The following NUBP2 variants were observed in gnomAD, a reference collection of about 807,000 sequenced individuals.
NUBP2 encodes the protein NUBP iron-sulfur cluster assembly factor 2, cytosolic.
In NUBP2, 23 loss-of-function variants were observed where a neutral mutation model predicts 24.9. That is an observed-to-expected ratio of 0.92 (90% CI 0.66 to 1.31). The LOEUF (loss-of-function observed/expected upper bound fraction) is 1.31, where lower values mean the gene tolerates loss of function less well. NUBP2 is among the 50% of genes most tolerant of loss of function. NUBP2 has a pLI of 0.00. For missense variants in NUBP2, 403 were observed against 386.5 expected (o/e 1.04, Z -0.36); for synonymous variants, 186 against 170.9 (o/e 1.09, Z -0.69).
chr16:1,783,627 CAAAAGG>C (rs1378096818), intron 1 of NUBP2: 1 of 393,208 alleles, frequency 2.5e-6, no homozygotes, highest in Admixed American at 6.5e-5. Context: ...AGTCCGATAC[CAAAAGG>C]AAAACATTCC....
In NUBP2 at chr16:1,787,059, G is replaced by C. The variant is rs73483741; in HGVS notation, c.334+104G>C. ...TCTTCAGCAGCCAGGCCTGTTCCTG[G>C]GGACCTGCACATGACACCCACGACC... On this transcript the variant is annotated intron_variant, in intron 3 of 6. Coordinates refer to ENST00000262302, the MANE Select transcript of NUBP2 (RefSeq NM_012225.4). The C allele has an allele frequency of 1.1e-3, 1,249 of 1,166,914 alleles. 3 individuals carry two copies. The African/African-American group carries it at 0.018, about 17-fold the overall frequency. 72.3% of individuals were successfully genotyped at this position (1,166,914 alleles called of 1,614,324 possible).
chr16:1,785,498 C>G, intron 1 of NUBP2: 1 of 1,192,570 alleles, frequency 8.4e-7, no homozygotes, highest in South Asian at 1.5e-5. Flanking sequence ...ACAGAGTCCC[C>G]GGCAGCTACA....
rs1285499293 is a variant in NUBP2 at position 1,788,968 on chromosome 16, A to G, written c.*254A>G. The G allele has an allele frequency of 2.1e-5, 10 of 485,488 alleles. No homozygotes were observed. Among genetic ancestry groups the G allele is most frequent in the African/African-American group, 1.8e-4 (9 of 50,758 alleles). The allele number at this position is 485,488 out of a possible 1,614,324, so 30.1% of individuals were successfully genotyped here. A position where few individuals can be genotyped will look rare whatever the true frequency, so the allele number is the denominator to read the frequency against. On this transcript the variant is annotated 3_prime_UTR_variant, in exon 7 of 7. Coordinates refer to ENST00000262302, the MANE Select transcript of NUBP2 (RefSeq NM_012225.4). ...GGCGGCCTGGGCTCTCTTCCCATCC[A>G]TGTTGCCTACCTGTGCCCCTGGCAG...
chr16:1,787,592 C>T, intron 3 of NUBP2, 85 bp from the exon 4 acceptor site: 1 of 1,544,960 alleles, frequency 6.5e-7, no homozygotes, highest in South Asian at 1.2e-5. Flanking sequence ...AGCCCCTCGG[C>T]CTGACCTGGC....
At chr16:1,788,233 G>C in intron 6 of NUBP2, 26 bp downstream of exon 6, 2 of 1,453,396 alleles carry the variant, frequency 1.4e-6, no homozygotes, top group Non-Finnish European at 1.8e-6. Flanking sequence ...TGGTGCTGGG[G>C]TCGCGGCCTC....
chr16:1,786,639 G>A lies in NUBP2; in HGVS notation c.119G>A (p.Arg40His), dbSNP rs369684206. Residue 40 changes from arginine (R) to histidine (H), a missense_variant, in exon 2 of 7, where the codon CGC becomes CAC. Arg to His is a conservative substitution (Grantham distance 29, BLOSUM62 0). Transcript: ENST00000262302. ...TISTELALAL[R>H]HAGKKVGILD... is the part of the protein sequence containing the mutation. ...TCCACGGAGCTGGCCCTGGCACTGC[G>A]CCATGCAGGCAAGAAGGTGAGCGCC... 117 of 1,612,676 alleles carry A rather than the reference G, an allele frequency of 7.3e-5. No homozygotes were observed. The Admixed American group carries it at 8.2e-4, about 11-fold the overall frequency.
intron 1 of NUBP2, chr16:1,785,994 T>C (rs1395809577): frequency 4.2e-6 from 5 of 1,198,032 alleles, no homozygotes; most frequent in East Asian, 1.2e-4. Flanking sequence ...GAAGAGGAGC[T>C]GGAGCTGTGC....
In NUBP2 at chr16:1,786,522, C is replaced by T. The variant is rs369278174; in HGVS notation, c.17-15C>T. 1.3e-5 allele frequency: 20 copies of T among 1,579,516 alleles called. No homozygotes were observed. The highest frequency in any genetic ancestry group is 2.3e-5 in the South Asian group (2 of 87,296). Reference sequence around the variant, plus strand: ...CACCAGGAGCCCTGACCTTCTCTGTCGTGTTTCCGCCCAGAGCCTGGAAAC... The same window carrying T: ...CACCAGGAGCCCTGACCTTCTCTGTTGTGTTTCCGCCCAGAGCCTGGAAAC... On this transcript the variant is annotated splice_polypyrimidine_tract_variant and intron_variant, in intron 1 of 6. Coordinates refer to ENST00000262302, the MANE Select transcript of NUBP2 (RefSeq NM_012225.4).
At chr16:1,784,144 G>T in intron 1 of NUBP2, 1 of 593,800 alleles carries the variant, frequency 1.7e-6, no homozygotes, top group South Asian at 7.4e-5. Flanking sequence ...AGGCTGAAGT[G>T]CAGTGGCACG....
rs947786397 is a variant in NUBP2, at chr16:1,786,616, C to T, written c.96C>T (p.Ser32=). ...GKGGVGKSTI[S]TELALALRHA... is the part of the protein sequence containing the mutation. ...GGGGCGTTGGGAAAAGCACCATCTC[C>T]ACGGAGCTGGCCCTGGCACTGCGCC... is the stretch of plus-strand genomic sequence containing the variant. The change falls in exon 2 of 7, where the codon TCC becomes TCT. Residue 32 remains serine (S), a synonymous_variant. Transcript: ENST00000262302. 8.7e-6 allele frequency: 14 copies of T among 1,612,792 alleles called. No individual in the cohort carries two copies. In the African/African-American group the frequency reaches 1.2e-4, roughly 14 times the overall value.
At position 1,787,714 on chromosome 16, in the gene NUBP2, G is replaced by A; in HGVS notation, c.372G>A (p.Gly124=). The A allele has an allele frequency of 6.2e-7, 1 of 1,612,696 alleles. No individual in the cohort carries two copies. The highest frequency in any genetic ancestry group is 1.1e-5 in the South Asian group (1 of 91,090). The change falls in exon 4 of 7, where the codon GGG becomes GGA. Residue 124 remains glycine, a synonymous_variant. Coordinates refer to ENST00000262302, the MANE Select transcript of NUBP2 (RefSeq NM_012225.4). ...IKQFVSDVAW[G]ELDYLVVDTP... Reference sequence around the variant, plus strand: ...AGTTTGTGTCCGACGTGGCCTGGGGGGAGCTGGACTACCTGGTGGTGGACA... The same window carrying A: ...AGTTTGTGTCCGACGTGGCCTGGGGAGAGCTGGACTACCTGGTGGTGGACA...
At position 1,787,726 on chromosome 16, in the gene NUBP2, C is replaced by T. The variant is rs1362274448; in HGVS notation, c.384C>T (p.Tyr128=). ...ACGTGGCCTGGGGGGAGCTGGACTA[C>T]CTGGTGGTGGACACGCCCCCGGGGA... ...VSDVAWGELD[Y]LVVDTPPGTS... Residue 128 remains tyrosine (Y), a synonymous_variant, in exon 4 of 7, where the codon TAC becomes TAT. Transcript: ENST00000262302. 3.1e-6 allele frequency: 5 copies of T among 1,612,574 alleles called. No individual in the cohort carries two copies. In the Admixed American group the frequency reaches 8.3e-5, roughly 27 times the overall value.
Position 1,782,962 on chromosome 16 carries a change from G to C in NUBP2, c.-59G>C. 7.1e-7 allele frequency: 1 copy of C among 1,415,868 alleles called. No homozygotes were observed. 87.7% of individuals were successfully genotyped at this position (1,415,868 alleles called of 1,614,324 possible). On this transcript the variant is annotated 5_prime_UTR_variant, in exon 1 of 7. Transcript: ENST00000262302. ...TTGGAAGGCCCTTCGCTCTAGCTGG[G>C]AGGCTGACGGCCCGCGGGCGTAAGC...
intron 1 of NUBP2, chr16:1,785,150 T>C (rs1007090903): frequency 6.1e-5 from 61 of 995,356 alleles, no homozygotes; most frequent in Non-Finnish European, 7.3e-5. Context: ...TCATTGTCCA[T>C]GGAGAGCGCA....
chr16:1,783,224 C>T (rs1432063048), intron 1 of NUBP2, 188 bp downstream of exon 1: 1 of 1,165,802 alleles, frequency 8.6e-7, no homozygotes, highest in African/African-American at 1.6e-5. Context: ...CGTGCTCCTG[C>T]TTCGATGTGG....
intron 3 of NUBP2, 158 bp downstream of exon 3, chr16:1,787,113 C>A: frequency 1.5e-6 from 1 of 675,676 alleles, no homozygotes; most frequent in Non-Finnish European, 2.4e-6. Flanking sequence ...GGCGGTGTGT[C>A]TCCAGTTGGG....
chr16:1,784,636 C>T (rs1464423389), intron 1 of NUBP2: 3 of 150,386 alleles, frequency 2.0e-5, no homozygotes, highest in African/African-American at 4.9e-5. Context: ...GAACTCCTGA[C>T]CTCAGGTGAT....
At chr16:1,785,437 TGC>T in intron 1 of NUBP2, 2 of 1,182,744 alleles carry the variant, frequency 1.7e-6, no homozygotes, top group South Asian at 1.6e-5. Flanking sequence ...GGGTTAACAC[TGC>T]CGCTGGTGCC....
At chr16:1,787,318 C>T (rs926889808) in intron 3 of NUBP2, 3 of 421,816 alleles carry the variant, frequency 7.1e-6, no homozygotes, top group African/African-American at 2.0e-5. Context: ...GGGAGTGAGG[C>T]GCAGGCTGTG....
Sources: allele counts gnomAD v4.1 joint callset, GRCh38; gene constraint gnomAD v4.1.1; transcripts MANE v1.5; gene names NCBI Gene and HGNC (gene_info 2026-07-23, HGNC 2026-07-21).